Variants in BAZ2B observed in about 807,000 individuals in gnomAD.
The protein encoded by BAZ2B is bromodomain adjacent to zinc finger domain 2B, also known as bromodomain adjacent to zinc finger domain protein 2B.
Under a neutral mutation model 246.0 loss-of-function variants are expected in BAZ2B, and 91 were observed. The observed-to-expected ratio is 0.37, with a 90% CI of 0.31 to 0.44. BAZ2B has a LOEUF of 0.44. Among genes scored for constraint, BAZ2B ranks in the 20% least tolerant of loss-of-function variants. The probability of loss-of-function intolerance (pLI) is 1.00; values close to 1 mark genes in which losing one functional copy is unlikely to be tolerated. For synonymous variants in BAZ2B, 855 were observed against 860.0 expected (o/e 0.99, Z 0.10); for missense variants, 2,332 against 2,533.7 (o/e 0.92, Z 1.71).
At chr2:159,562,910 C>G (rs2090018529) in intron 1 of BAZ2B, among the ~76,000 whole-genome samples, 1 of 152,038 alleles carries the variant, frequency 6.6e-6, no homozygotes, top group African/African-American at 2.4e-5. Context: ...AGCCAGCAAT[C>G]AAGACAAACA....
chr2:159,571,657 C>A (rs1684041298), intron 1 of BAZ2B, among the ~76,000 whole-genome samples: 1 of 152,154 alleles, frequency 6.6e-6, no homozygotes, highest in South Asian at 2.1e-4. Flanking sequence ...GCTGCTATAA[C>A]AGAATGGCAC....
chr2:159,414,307 T>C (rs958819390), intron 13 of BAZ2B, among the ~76,000 whole-genome samples: 29 of 152,034 alleles, frequency 1.9e-4, no homozygotes, highest in African/African-American at 6.5e-4. Context: ...GTGAAGATGG[T>C]TAATAGTTAT....
Position 159,324,651 on chromosome 2 carries a change from C to T in BAZ2B, c.6353+160G>A, listed in dbSNP as rs867314147. 2.9e-3 allele frequency among the ~76,000 whole-genome samples: 239 copies of T among 81,860 alleles called. 4 individuals are homozygous for T. Among genetic ancestry groups the T allele is most frequent in the African/African-American group, 0.011 (220 of 20,140 alleles). The allele number at this position is 81,860 out of a possible 152,430, so 53.7% of individuals were successfully genotyped here. A position where few individuals can be genotyped will look rare whatever the true frequency, so the allele number is the denominator to read the frequency against. ...ACACACACACACACACACACACACA[C>T]ACACACACACACACACACACACACA... On this transcript the variant is annotated intron_variant, in intron 36 of 36. Coordinates refer to ENST00000392783, the MANE Select transcript of BAZ2B (RefSeq NM_013450.4).
chr2:159,510,538 A>G (rs2082813484), intron 2 of BAZ2B, among the ~76,000 whole-genome samples: 1 of 152,134 alleles, frequency 6.6e-6, no homozygotes. Flanking sequence ...GAAATACACT[A>G]ATGATGGTTG....
intron 1 of BAZ2B, among the ~76,000 whole-genome samples, chr2:159,577,950 C>T (rs75890043): frequency 0.013 from 1,960 of 152,244 alleles, 46 homozygotes; most frequent in African/African-American, 0.044. Context: ...AAGAAAGCTA[C>T]ATCAAATTGT....
At chr2:159,633,224 C>A in the BAZ2B span, among the ~76,000 whole-genome samples, 1 of 151,126 alleles carries the variant, frequency 6.6e-6, no homozygotes, top group Admixed American at 6.6e-5. Context: ...CAGCACACCT[C>A]TGTTGAGGCG....
At chr2:159,425,598 C>T (rs2069675961) in intron 13 of BAZ2B, among the ~76,000 whole-genome samples, 1 of 152,178 alleles carries the variant, frequency 6.6e-6, no homozygotes, top group African/African-American at 2.4e-5. Context: ...TTAGTTTTGA[C>T]ACATTTCCTT....
intron 1 of BAZ2B, among the ~76,000 whole-genome samples, chr2:159,590,867 C>T (rs1411755279): frequency 6.6e-6 from 1 of 152,090 alleles, no homozygotes; most frequent in Non-Finnish European, 1.5e-5. Flanking sequence ...TGTAAAACAG[C>T]ACTTTTAAAA....
intron 2 of BAZ2B, among the ~76,000 whole-genome samples, chr2:159,504,427 C>T (rs1476639293): frequency 1.3e-5 from 2 of 152,112 alleles, no homozygotes; most frequent in Non-Finnish European, 2.9e-5. Flanking sequence ...TAGCCTCTAA[C>T]TCCTGGCCTC....
chr2:159,507,860 A>C (rs908406309), intron 2 of BAZ2B, among the ~76,000 whole-genome samples: 1 of 152,174 alleles, frequency 6.6e-6, no homozygotes. Flanking sequence ...AAATAAAAAT[A>C]ACAGCACTAC....
chr2:159,619,459 C>A (rs1696343311), upstream of BAZ2B, among the ~76,000 whole-genome samples: 2 of 151,326 alleles, frequency 1.3e-5, no homozygotes, highest in Non-Finnish European at 3.0e-5. Context: ...ATATGGAAAT[C>A]AATAATTAAC....
At chr2:159,567,911 G>C (rs1353960274) in intron 1 of BAZ2B, among the ~76,000 whole-genome samples, 1 of 152,194 alleles carries the variant, frequency 6.6e-6, no homozygotes, top group Non-Finnish European at 1.5e-5. Flanking sequence ...GGCGGAGGTT[G>C]CCGTGAGCCA....
intron 34 of BAZ2B, among the ~76,000 whole-genome samples, chr2:159,329,866 T>A (rs2064408382): frequency 6.6e-6 from 1 of 152,184 alleles, no homozygotes; most frequent in African/African-American, 2.4e-5. Flanking sequence ...GATACTAATT[T>A]AAGAAAATTT....
intron 2 of BAZ2B, among the ~76,000 whole-genome samples, chr2:159,554,236 GA>G (rs1034596808): frequency 2.0e-5 from 3 of 152,182 alleles, no homozygotes; most frequent in South Asian, 2.1e-4. Flanking sequence ...TAAACTGTGG[GA>G]AAAAAAATTT....
intron 5 of BAZ2B, 71 bp from the exon 6 acceptor site, chr2:159,447,046 T>C: frequency 1.8e-6 from 2 of 1,107,376 alleles, no homozygotes; most frequent in South Asian, 2.1e-5. Context: ...AGTACAGATA[T>C]ATGTACAGTT....
Position 159,332,609 on chromosome 2 carries a change from G to A in BAZ2B, c.5874C>T (p.Thr1958=), listed in dbSNP as rs778134470. ...LCDGCDKGCH[T]YCHRPKITTI... ...TTGTAATCTTGGGTCTATGGCAGTA[G>A]GTATGACAGCCTTTGTCACAGCCAT... is the stretch of plus-strand genomic sequence containing the variant. The change falls in exon 34 of 37, where the codon ACC becomes ACT. Residue 1958 remains threonine, a synonymous_variant. Transcript: ENST00000392783. The A allele has an allele frequency of 1.2e-6, 2 of 1,614,050 alleles. No homozygotes were observed. Among genetic ancestry groups the A allele is most frequent in the East Asian group, 4.5e-5 (2 of 44,878 alleles).
chr2:159,470,850 A>G (rs2077695752), intron 3 of BAZ2B, among the ~76,000 whole-genome samples: 1 of 152,194 alleles, frequency 6.6e-6, no homozygotes, highest in Non-Finnish European at 1.5e-5. Flanking sequence ...AAATTTGTTA[A>G]GTTTGAGATG....
chr2:159,697,884 T>C, the BAZ2B span, among the ~76,000 whole-genome samples: 1 of 152,200 alleles, frequency 6.6e-6, no homozygotes, highest in Non-Finnish European at 1.5e-5. Context: ...GATTTTATTT[T>C]ATATGCGGGT....
At chr2:159,698,031 A>G in the BAZ2B span, among the ~76,000 whole-genome samples, 8 of 152,194 alleles carry the variant, frequency 5.3e-5, no homozygotes, top group South Asian at 1.2e-3. Flanking sequence ...AATACCTATT[A>G]TAAGAGAGAT....
Sources: gnomAD v4.1 joint callset for allele counts (sites outside exome capture counted in the v4.1 genomes callset) on GRCh38, gnomAD v4.1.1 for gene constraint, MANE v1.5 for transcripts, NCBI Gene and HGNC (gene_info 2026-07-23, HGNC 2026-07-21) for gene names.